The following PACRG variants were observed in gnomAD, a reference collection of about 807,000 sequenced individuals.
The protein encoded by PACRG is parkin coregulated gene protein.
In PACRG, 29 loss-of-function variants were observed where a neutral mutation model predicts 29.7. The ratio of observed to expected loss-of-function variants is 0.98; its 90% CI spans 0.73 to 1.33. PACRG has a LOEUF of 1.33. PACRG is among the 40% of genes most tolerant of loss of function. The pLI is 0.00. For missense variants in PACRG, 279 were observed against 316.2 expected, an observed-to-expected ratio of 0.88 and a Z score of 0.89; for synonymous variants, 116 against 118.7, an observed-to-expected ratio of 0.98 and a Z score of 0.15.
intron 2 of PACRG, among the ~76,000 whole-genome samples, chr6:162,971,617 A>G (rs1335479040): frequency 6.6e-6 from 1 of 152,194 alleles, no homozygotes; most frequent in African/African-American, 2.4e-5. Flanking sequence ...CGCTCCCCAA[A>G]TTCCATGGGG....
chr6:163,191,676 GGC>G (rs1469974800), intron 4 of PACRG: 1 of 456,144 alleles, frequency 2.2e-6, no homozygotes, highest in East Asian at 6.9e-5. Context: ...CACTCCACGT[GGC>G]CATCTGTGCC....
chr6:162,837,172 T>TA (rs1789299902), intron 2 of PACRG, among the ~76,000 whole-genome samples: 1 of 152,136 alleles, frequency 6.6e-6, no homozygotes, highest in African/African-American at 2.4e-5. Context: ...GGTAGCGCAT[T>TA]GTCCTGCGTA....
intron 4 of PACRG, among the ~76,000 whole-genome samples, chr6:163,272,840 A>T (rs1218842903): frequency 6.6e-6 from 1 of 151,868 alleles, no homozygotes; most frequent in African/African-American, 2.4e-5. Flanking sequence ...AATTCATAGT[A>T]ATGAACCATC....
intron 4 of PACRG, among the ~76,000 whole-genome samples, chr6:163,265,125 T>C (rs1783479119): frequency 6.6e-6 from 1 of 152,178 alleles, no homozygotes; most frequent in South Asian, 2.1e-4. Flanking sequence ...AACGCATGCA[T>C]GAACGAATGA....
chr6:162,914,080 G>A (rs953173179), intron 2 of PACRG, among the ~76,000 whole-genome samples: 1 of 151,990 alleles, frequency 6.6e-6, no homozygotes, highest in Non-Finnish European at 1.5e-5. Flanking sequence ...ATGAAATCCA[G>A]CTTATCATTT....
intron 4 of PACRG, chr6:163,312,673 G>A (rs764524245): frequency 2.9e-5 from 9 of 312,130 alleles, no homozygotes; most frequent in African/African-American, 1.2e-4. Flanking sequence ...AAAGTGTATC[G>A]TTGTTTTCCT....
chr6:163,101,365 G>A (rs761342312), intron 4 of PACRG: 627 of 980,582 alleles, frequency 6.4e-4, no homozygotes, highest in Non-Finnish European at 7.2e-4. Context: ...TGTGTACATC[G>A]GGTTTTGAGG....
At chr6:163,004,737 TACACACAC>T (rs146095540) in intron 2 of PACRG, among the ~76,000 whole-genome samples, 1 of 135,486 alleles carries the variant, frequency 7.4e-6, no homozygotes, top group South Asian at 2.3e-4. Context: ...TATATATATA[TACACACAC>T]ACACACACAC....
intron 3 of PACRG, among the ~76,000 whole-genome samples, chr6:163,078,309 T>C (rs566059): frequency 0.26 from 39,176 of 152,040 alleles, 5,768 homozygotes; most frequent in East Asian, 0.64. Context: ...AAAACCAGCC[T>C]GGTCAACATG....
chr6:162,859,400 G>T (rs1481747786), intron 2 of PACRG, among the ~76,000 whole-genome samples: 1 of 152,236 alleles, frequency 6.6e-6, no homozygotes, highest in Non-Finnish European at 1.5e-5. Flanking sequence ...GAACCCAAAG[G>T]AACTACCTTT....
intron 3 of PACRG, among the ~76,000 whole-genome samples, chr6:163,062,939 G>C (rs762527317): frequency 6.6e-6 from 1 of 152,108 alleles, no homozygotes; most frequent in Admixed American, 6.5e-5. Context: ...GTTGTCCCAC[G>C]TGACAGCCTT....
chr6:162,884,647 A>T (rs1238840456), intron 2 of PACRG, among the ~76,000 whole-genome samples: 1 of 152,194 alleles, frequency 6.6e-6, no homozygotes, highest in African/African-American at 2.4e-5. Flanking sequence ...TGTGGAGTAA[A>T]TGCTTTGTAC....
At chr6:162,961,098 A>G (rs1275220763) in intron 2 of PACRG, among the ~76,000 whole-genome samples, 1 of 152,178 alleles carries the variant, frequency 6.6e-6, no homozygotes, top group Non-Finnish European at 1.5e-5. Flanking sequence ...CTGTGAACCT[A>G]TTCATGACAC....
intron 4 of PACRG, among the ~76,000 whole-genome samples, chr6:163,178,096 C>A (rs1779473393): frequency 6.6e-6 from 1 of 152,148 alleles, no homozygotes; most frequent in Non-Finnish European, 1.5e-5. Context: ...CGGAGCTCAG[C>A]CAGGAGAAAC....
At chr6:163,269,918 GAAAGAAAGAAAACAAAGAAAGAA>G in intron 4 of PACRG, among the ~76,000 whole-genome samples, 1 of 64,322 alleles carries the variant, frequency 1.6e-5, no homozygotes, top group East Asian at 4.8e-4. Flanking sequence ...AAGAAAGAAA[GAAAGAAAGAAAACAAAGAAAGAA>G]AGAAAGAAAG....
chr6:162,964,943 T>C (rs1033209416), intron 2 of PACRG, among the ~76,000 whole-genome samples: 12 of 152,328 alleles, frequency 7.9e-5, no homozygotes, highest in Middle Eastern at 3.4e-3. Context: ...CACTTTGTAC[T>C]GTAGTTATGT....
intron 2 of PACRG, among the ~76,000 whole-genome samples, chr6:162,926,556 G>C (rs1489410585): frequency 6.6e-6 from 1 of 152,126 alleles, no homozygotes; most frequent in Non-Finnish European, 1.5e-5. Context: ...ATGGGGAAAG[G>C]ATTCCCTATT....
chr6:163,148,426 G>A (rs1281508810), intron 4 of PACRG, among the ~76,000 whole-genome samples: 1 of 152,138 alleles, frequency 6.6e-6, no homozygotes, highest in African/African-American at 2.4e-5. Context: ...ATGTGTGCAG[G>A]CCACATCTGG....
intron 2 of PACRG, among the ~76,000 whole-genome samples, chr6:163,047,814 C>G (rs1258707636): frequency 6.6e-6 from 1 of 152,132 alleles, no homozygotes; most frequent in African/African-American, 2.4e-5. Flanking sequence ...CAACCATAAG[C>G]AAAATCAATA....
Sources: gnomAD v4.1 joint callset for allele counts (sites outside exome capture counted in the v4.1 genomes callset) on GRCh38, gnomAD v4.1.1 for gene constraint, MANE v1.5 for transcripts, NCBI Gene and HGNC (gene_info 2026-07-23, HGNC 2026-07-21) for gene names.